OR14I1: variants seen among roughly 807,000 people sequenced by gnomAD.
OR14I1 encodes olfactory receptor 14I1.
For synonymous variants in OR14I1, 118 were observed against 71.1 expected, an observed-to-expected ratio of 1.66 and a Z score of -3.32; for missense variants, 279 against 181.8, an observed-to-expected ratio of 1.53 and a Z score of -3.07.
chr1:248,702,291 CAATT>C, the OR14I1 span, among the ~76,000 whole-genome samples: 3 of 152,140 alleles, frequency 2.0e-5, no homozygotes, highest in African/African-American at 7.2e-5. Context: ...TATCAAAAAA[CAATT>C]AGTTACTTCC....
chr1:248,689,117 G>A, the OR14I1 span, among the ~76,000 whole-genome samples: 1 of 152,164 alleles, frequency 6.6e-6, no homozygotes. Flanking sequence ...CTCCTCTGGG[G>A]TTCAAAATAG....
upstream of OR14I1, among the ~76,000 whole-genome samples, chr1:248,684,773 T>C (rs1225792162): frequency 2.6e-5 from 4 of 151,074 alleles, no homozygotes; most frequent in South Asian, 6.3e-4. Context: ...TATATATATA[T>C]ATATACACAC....
chr1:248,687,697 G>T, the OR14I1 span, among the ~76,000 whole-genome samples: 1 of 152,170 alleles, frequency 6.6e-6, no homozygotes, highest in Non-Finnish European at 1.5e-5. Context: ...AGAGAGCTCT[G>T]CCCAGCAGTG....
At chr1:248,690,165 G>A in the OR14I1 span, among the ~76,000 whole-genome samples, 1 of 152,072 alleles carries the variant, frequency 6.6e-6, no homozygotes, top group East Asian at 1.9e-4. Context: ...AAAATTAAAA[G>A]AACTAGAGAA....
At chr1:248,693,494 A>G in the OR14I1 span, among the ~76,000 whole-genome samples, 1 of 152,316 alleles carries the variant, frequency 6.6e-6, no homozygotes, top group South Asian at 2.1e-4. Flanking sequence ...CCAACTTAGG[A>G]TTTTTGATAA....
the OR14I1 span, among the ~76,000 whole-genome samples, chr1:248,700,582 G>A: frequency 5.9e-5 from 9 of 152,144 alleles, no homozygotes; most frequent in Non-Finnish European, 1.3e-4. Flanking sequence ...AACTAAATGT[G>A]ATTATATTTG....
downstream of OR14I1, among the ~76,000 whole-genome samples, chr1:248,678,454 C>G (rs773472879): frequency 2.5e-4 from 38 of 152,200 alleles, no homozygotes; most frequent in Non-Finnish European, 4.1e-4. Context: ...AATTGGAAGT[C>G]AATTACACGA....
exon 1 of OR14I1, chr1:248,682,153 T>C (rs753733431): frequency 5.1e-6 from 4 of 781,072 alleles, no homozygotes; most frequent in Admixed American, 1.7e-5. Context: ...GTGAAGATGC[T>C]GATCGAGAGT....
the OR14I1 span, among the ~76,000 whole-genome samples, chr1:248,694,523 A>G: frequency 2.6e-5 from 4 of 152,296 alleles, no homozygotes; most frequent in Non-Finnish European, 4.4e-5. Flanking sequence ...AGCATTTTAT[A>G]TCAAATGCTC....
chr1:248,699,628 T>C, the OR14I1 span, among the ~76,000 whole-genome samples: 3 of 152,146 alleles, frequency 2.0e-5, no homozygotes, highest in Non-Finnish European at 1.5e-5. Context: ...CTGCCCTGGA[T>C]GAACACAGTG....
the OR14I1 span, among the ~76,000 whole-genome samples, chr1:248,687,892 C>T: frequency 1.3e-5 from 2 of 152,196 alleles, no homozygotes; most frequent in Non-Finnish European, 2.9e-5. Flanking sequence ...AGAAACATTA[C>T]AAATTTTTAG....
the OR14I1 span, among the ~76,000 whole-genome samples, chr1:248,698,116 C>G: frequency 6.6e-6 from 1 of 152,174 alleles, no homozygotes; most frequent in Non-Finnish European, 1.5e-5. Context: ...GGGAGCTCCA[C>G]CTTCCTGAAG....
the OR14I1 span, among the ~76,000 whole-genome samples, chr1:248,702,063 T>A: frequency 6.6e-6 from 1 of 151,962 alleles, no homozygotes; most frequent in Admixed American, 6.6e-5. Context: ...AACAACCAGA[T>A]CTCATGAGAA....
chr1:248,685,409 A>C (rs1260552398), upstream of OR14I1, among the ~76,000 whole-genome samples: 3 of 152,320 alleles, frequency 2.0e-5, no homozygotes, highest in East Asian at 5.8e-4. Context: ...CAAACAACCA[A>C]GAATTGCAGC....
chr1:248,681,811 T>C, exon 1 of OR14I1: 1 of 781,030 alleles, frequency 1.3e-6, no homozygotes, highest in Non-Finnish European at 2.4e-6. Flanking sequence ...TCTGCAAACG[T>C]GCTCCCGAAA....
downstream of OR14I1, among the ~76,000 whole-genome samples, chr1:248,680,459 G>A (rs767537656): frequency 3.2e-4 from 48 of 152,224 alleles, no homozygotes; most frequent in African/African-American, 1.0e-3. Flanking sequence ...GTGTTTCCAC[G>A]AATCCTCTTC....
the OR14I1 span, chr1:248,691,814 C>T: frequency 1.3e-5 from 2 of 152,468 alleles, no homozygotes; most frequent in African/African-American, 4.8e-5. Context: ...TTCACCAAGC[C>T]ACCCCGCCCA....
At chr1:248,681,347 C>T in exon 1 of OR14I1, 9 of 658,958 alleles carry the variant, frequency 1.4e-5, no homozygotes, top group South Asian at 3.9e-5. Context: ...TGCAGATCTT[C>T]TATAGTAAAG....
upstream of OR14I1, among the ~76,000 whole-genome samples, chr1:248,683,024 C>T (rs1330729353): frequency 1.3e-5 from 2 of 152,178 alleles, no homozygotes; most frequent in East Asian, 1.9e-4. Flanking sequence ...CACACCTTGG[C>T]TCAATTAATA....
Sources: allele counts gnomAD v4.1 joint callset (sites outside exome capture counted in the v4.1 genomes callset), GRCh38; gene constraint gnomAD v4.1.1; transcripts MANE v1.5; gene names NCBI Gene and HGNC (gene_info 2026-07-23, HGNC 2026-07-21).